MRTFB: variants seen among roughly 807,000 people sequenced by gnomAD.
MRTFB encodes myocardin-related transcription factor B.
A neutral mutation model predicts 104.2 loss-of-function variants in MRTFB; 29 were observed. That is an observed-to-expected ratio of 0.28 (90% CI 0.21 to 0.38). The LOEUF (loss-of-function observed/expected upper bound fraction) is 0.38, where lower values mean the gene tolerates loss of function less well. MRTFB is among the 10% of genes least tolerant of loss of function. The pLI is 1.00. For synonymous variants in MRTFB, 535 were observed against 519.5 expected (o/e 1.03, Z -0.41); for missense variants, 1,270 against 1,341.6 (o/e 0.95, Z 0.83).
chr16:14,165,970 G>A (rs770603698), intron 3 of MRTFB, among the ~76,000 whole-genome samples: 2 of 152,178 alleles, frequency 1.3e-5, no homozygotes, highest in Non-Finnish European at 2.9e-5. Context: ...TGCAGTGAGA[G>A]CCATATGTTT....
intron 2 of MRTFB, among the ~76,000 whole-genome samples, chr16:14,090,916 G>T (rs561517929): frequency 6.6e-6 from 1 of 150,696 alleles, no homozygotes; most frequent in Non-Finnish European, 1.5e-5. Context: ...GTGTGTGTGT[G>T]TGTGTAGTTC....
chr16:14,185,585 C>A (rs1030888124), intron 3 of MRTFB, among the ~76,000 whole-genome samples: 1 of 151,858 alleles, frequency 6.6e-6, no homozygotes, highest in African/African-American at 2.4e-5. Flanking sequence ...TCCTGATGCA[C>A]TGTCTTCTGC....
intron 8 of MRTFB, among the ~76,000 whole-genome samples, chr16:14,220,162 T>G (rs888692005): frequency 4.6e-5 from 7 of 152,210 alleles, no homozygotes; most frequent in African/African-American, 1.7e-4. Context: ...AGTCTGAGGT[T>G]TGAGCAGGCA....
chr16:14,008,613 G>A, the MRTFB span, among the ~76,000 whole-genome samples: 1 of 152,158 alleles, frequency 6.6e-6, no homozygotes, highest in Non-Finnish European at 1.5e-5. Flanking sequence ...TTAGTACTCA[G>A]GAAGTATGAA....
chr16:14,076,030 CT>C (rs1386421198), intron 1 of MRTFB, among the ~76,000 whole-genome samples: 2 of 151,552 alleles, frequency 1.3e-5, no homozygotes, highest in African/African-American at 4.8e-5. Flanking sequence ...CTATACATGT[CT>C]TTTTTTTGTA....
chr16:14,072,452 T>G (rs1042161458), intron 1 of MRTFB, among the ~76,000 whole-genome samples: 1 of 151,938 alleles, frequency 6.6e-6, no homozygotes, highest in Non-Finnish European at 1.5e-5. Context: ...TTGTATTGGT[T>G]AAAAAAAATT....
At chr16:14,005,104 G>A in the MRTFB span, among the ~76,000 whole-genome samples, 16 of 152,354 alleles carry the variant, frequency 1.1e-4, no homozygotes, top group South Asian at 2.1e-4. Context: ...CTTGGCCCCT[G>A]GGGGCTGGCA....
the MRTFB span, among the ~76,000 whole-genome samples, chr16:14,017,709 A>ATTTTTT: frequency 1.0e-3 from 16 of 15,924 alleles, 4 homozygotes; most frequent in Admixed American, 1.5e-3. Flanking sequence ...ATATATATAT[A>ATTTTTT]TATTTTTTTT....
intron 2 of MRTFB, among the ~76,000 whole-genome samples, chr16:14,106,700 G>C (rs2035996458): frequency 6.6e-6 from 1 of 152,190 alleles, no homozygotes; most frequent in Non-Finnish European, 1.5e-5. Context: ...TTGTAAGAGT[G>C]AGGGTATCAT....
At chr16:14,194,286 G>T (rs559486971) in intron 3 of MRTFB, among the ~76,000 whole-genome samples, 1 of 152,334 alleles carries the variant, frequency 6.6e-6, no homozygotes, top group East Asian at 1.9e-4. Flanking sequence ...GCCTGGTGAG[G>T]CCAGTTAATG....
At chr16:14,026,248 G>A in the MRTFB span, among the ~76,000 whole-genome samples, 1 of 152,180 alleles carries the variant, frequency 6.6e-6, no homozygotes, top group African/African-American at 2.4e-5. Flanking sequence ...CATTGTGACT[G>A]TGAAGTATAG....
intron 6 of MRTFB, among the ~76,000 whole-genome samples, chr16:14,216,332 G>A (rs1193617819): frequency 6.6e-6 from 1 of 152,168 alleles, no homozygotes; most frequent in Non-Finnish European, 1.5e-5. Flanking sequence ...TTTCAGCTTG[G>A]AATTTTGGGT....
upstream of MRTFB, among the ~76,000 whole-genome samples, chr16:14,068,443 G>T (rs1012959889): frequency 2.0e-5 from 3 of 152,144 alleles, no homozygotes; most frequent in Non-Finnish European, 4.4e-5. Context: ...GTTTCATAAA[G>T]ATAAAGGCTT....
intron 2 of MRTFB, among the ~76,000 whole-genome samples, chr16:14,121,117 A>G (rs2036823585): frequency 6.6e-6 from 1 of 151,640 alleles, no homozygotes; most frequent in African/African-American, 2.4e-5. Context: ...AAAACTGGTT[A>G]TTGTGAGTGT....
At chr16:14,074,939 A>G (rs1010872346) in intron 1 of MRTFB, among the ~76,000 whole-genome samples, 3 of 152,240 alleles carry the variant, frequency 2.0e-5, no homozygotes, top group Non-Finnish European at 4.4e-5. Context: ...CGAAGAGCAG[A>G]TGGTGTGGTT....
chr16:14,045,257 C>T, the MRTFB span, among the ~76,000 whole-genome samples: 1 of 152,144 alleles, frequency 6.6e-6, no homozygotes, highest in Non-Finnish European at 1.5e-5. Context: ...TGTCTGTTTC[C>T]AGAACGTCAC....
intron 2 of MRTFB, among the ~76,000 whole-genome samples, chr16:14,081,098 A>T (rs767188661): frequency 1.8e-4 from 28 of 152,172 alleles, no homozygotes; most frequent in Non-Finnish European, 3.4e-4. Flanking sequence ...CATAATGGCA[A>T]TAATTTACAT....
chr16:14,163,569 C>T (rs1040678017), intron 3 of MRTFB, among the ~76,000 whole-genome samples: 3 of 152,114 alleles, frequency 2.0e-5, no homozygotes, highest in Non-Finnish European at 4.4e-5. Flanking sequence ...CAGTGGCTCA[C>T]ACCTGTAATC....
chr16:14,143,786 T>G (rs2038150558), intron 3 of MRTFB: 2 of 152,210 alleles, frequency 1.3e-5, no homozygotes, highest in African/African-American at 2.4e-5. Flanking sequence ...TCATTGGTTG[T>G]TACATTTTAT....
Sources: gnomAD v4.1 joint callset for allele counts (sites outside exome capture counted in the v4.1 genomes callset) on GRCh38, gnomAD v4.1.1 for gene constraint, MANE v1.5 for transcripts, NCBI Gene and HGNC (gene_info 2026-07-23, HGNC 2026-07-21) for gene names.